The following KLRG1 variants were observed in gnomAD, a reference collection of about 807,000 sequenced individuals.
KLRG1 encodes the protein killer cell lectin-like receptor subfamily G member 1.
A neutral mutation model predicts 21.8 loss-of-function variants in KLRG1; 16 were observed. That is an observed-to-expected ratio of 0.73 (90% CI 0.50 to 1.11). The LOEUF is 1.11. KLRG1 is among the 50% of genes most tolerant of loss of function. The probability of loss-of-function intolerance (pLI) is 0.00; values close to 1 mark genes in which losing one functional copy is unlikely to be tolerated. For missense variants in KLRG1, 173 were observed against 218.3 expected (o/e 0.79, Z 1.31); for synonymous variants, 69 against 75.9 (o/e 0.91, Z 0.47).
chr12:9,085,265 T>A, the KLRG1 span, among the ~76,000 whole-genome samples: 1 of 152,036 alleles, frequency 6.6e-6, no homozygotes, highest in African/African-American at 2.4e-5. Flanking sequence ...ACAAAACAAG[T>A]CTTAGCAAAT....
chr12:9,200,195 A>G, the KLRG1 span, among the ~76,000 whole-genome samples: 12,000 of 152,228 alleles, frequency 0.079, 548 homozygotes, highest in Non-Finnish European at 0.11. Context: ...GTGTGTTTCT[A>G]TTCTTTTATG....
intron 1 of KLRG1, among the ~76,000 whole-genome samples, chr12:8,968,747 C>A (rs1306187639): frequency 6.6e-6 from 1 of 152,134 alleles, no homozygotes; most frequent in Non-Finnish European, 1.5e-5. Context: ...GGACTGAAAT[C>A]ATGCAAAGTA....
chr12:9,101,805 G>T, the KLRG1 span: 1 of 743,238 alleles, frequency 1.3e-6, no homozygotes, highest in Non-Finnish European at 2.2e-6. Context: ...AATGAAAAGT[G>T]GGAGAAGGAC....
the KLRG1 span, among the ~76,000 whole-genome samples, chr12:9,183,532 T>G: frequency 6.6e-6 from 1 of 152,176 alleles, no homozygotes; most frequent in Non-Finnish European, 1.5e-5. Context: ...CCCCAGTAGC[T>G]GGGACTATAG....
intron 2 of KLRG1, 85 bp from the exon 3 acceptor site, chr12:8,995,034 G>A (rs1237953424): frequency 8.0e-7 from 1 of 1,256,206 alleles, no homozygotes; most frequent in Non-Finnish European, 1.1e-6. Flanking sequence ...AAGACCCAGG[G>A]CTGCCATATT....
chr12:9,009,175 G>A, intron 4 of KLRG1, 100 bp downstream of exon 4: 1 of 959,980 alleles, frequency 1.0e-6, no homozygotes. Flanking sequence ...ATGGAGAGGA[G>A]AGGAAAGAAT....
the KLRG1 span, chr12:9,077,520 A>G: frequency 2.1e-6 from 3 of 1,457,842 alleles, no homozygotes; most frequent in Middle Eastern, 1.7e-4. Context: ...CCTTACCCAT[A>G]TCCATCCCTA....
chr12:9,199,518 A>G, the KLRG1 span, among the ~76,000 whole-genome samples: 1 of 152,202 alleles, frequency 6.6e-6, no homozygotes, highest in Non-Finnish European at 1.5e-5. Context: ...AATGTAAAAC[A>G]TTCAATGTAT....
the KLRG1 span, among the ~76,000 whole-genome samples, chr12:9,118,495 G>A: frequency 2.6e-5 from 4 of 152,206 alleles, no homozygotes; most frequent in Admixed American, 6.5e-5. Context: ...AAGGAAGGCA[G>A]AACCACAAAC....
intron 1 of KLRG1, among the ~76,000 whole-genome samples, chr12:8,978,404 G>T (rs1016281219): frequency 2.0e-5 from 3 of 152,062 alleles, no homozygotes; most frequent in African/African-American, 7.2e-5. Context: ...CCCAGATGTG[G>T]GATTCAAATA....
intron 3 of KLRG1, among the ~76,000 whole-genome samples, chr12:8,997,730 A>G (rs900825699): frequency 7.9e-5 from 12 of 152,196 alleles, no homozygotes; most frequent in African/African-American, 1.4e-4. Context: ...CAATAATAAC[A>G]GAGGCTACCA....
intron 3 of KLRG1, among the ~76,000 whole-genome samples, chr12:8,999,553 G>C (rs1232610751): frequency 6.6e-6 from 1 of 152,126 alleles, no homozygotes; most frequent in Non-Finnish European, 1.5e-5. Context: ...CCTTCTTTGG[G>C]TGCAGCAATG....
the KLRG1 span, among the ~76,000 whole-genome samples, chr12:9,073,196 A>G: frequency 6.6e-6 from 1 of 152,202 alleles, no homozygotes; most frequent in African/African-American, 2.4e-5. Context: ...ATTTGCTAAC[A>G]TGTCTTTCTT....
At chr12:9,076,409 G>A in the KLRG1 span, among the ~76,000 whole-genome samples, 437 of 152,306 alleles carry the variant, frequency 2.9e-3, 2 homozygotes, top group Admixed American at 4.6e-3. Flanking sequence ...CACATAGGTA[G>A]CACATTTTGG....
chr12:8,993,883 T>G (rs1360160462), intron 2 of KLRG1, among the ~76,000 whole-genome samples: 3 of 152,230 alleles, frequency 2.0e-5, no homozygotes. Context: ...TACTCTATTC[T>G]GCAATTATAT....
the KLRG1 span, among the ~76,000 whole-genome samples, chr12:9,076,222 T>A: frequency 6.6e-6 from 1 of 152,262 alleles, no homozygotes; most frequent in Non-Finnish European, 1.5e-5. Context: ...AGAACTGATA[T>A]GTTAATTGTA....
chr12:9,027,651 A>C, the KLRG1 span: 2 of 920,044 alleles, frequency 2.2e-6, no homozygotes, highest in Non-Finnish European at 3.6e-6. Flanking sequence ...GACTCCAAAG[A>C]TTCTTCCCTT....
At chr12:9,204,657 A>G in the KLRG1 span, among the ~76,000 whole-genome samples, 1 of 152,156 alleles carries the variant, frequency 6.6e-6, no homozygotes, top group Admixed American at 6.5e-5. Flanking sequence ...ACACAAACAC[A>G]CACTGTATTT....
At chr12:9,209,176 A>T in the KLRG1 span, among the ~76,000 whole-genome samples, 1 of 152,138 alleles carries the variant, frequency 6.6e-6, no homozygotes, top group South Asian at 2.1e-4. Flanking sequence ...TCACATATAA[A>T]CCACCAGCAG....
Sources: allele counts gnomAD v4.1 joint callset (sites outside exome capture counted in the v4.1 genomes callset), GRCh38; gene constraint gnomAD v4.1.1; transcripts MANE v1.5; gene names NCBI Gene and HGNC (gene_info 2026-07-23, HGNC 2026-07-21).